Variants in SH3GL2 observed in about 807,000 individuals in gnomAD.
SH3GL2 encodes the protein SH3 domain containing GRB2 like 2, endophilin A1, also known as endophilin-A1.
A neutral mutation model predicts 46.0 loss-of-function variants in SH3GL2; 24 were observed. That is an observed-to-expected ratio of 0.52 (90% CI 0.38 to 0.73). SH3GL2 has a LOEUF of 0.73. SH3GL2 is among the 30% of genes least tolerant of loss of function. The pLI is 0.00. For synonymous variants in SH3GL2, 196 were observed against 147.1 expected (o/e 1.33, Z -2.40); for missense variants, 413 against 424.2 (o/e 0.97, Z 0.23).
At chr9:17,766,114 A>G (rs1249992525) in intron 3 of SH3GL2, among the ~76,000 whole-genome samples, 1 of 152,212 alleles carries the variant, frequency 6.6e-6, no homozygotes, top group Non-Finnish European at 1.5e-5. Flanking sequence ...GGAACCTCAC[A>G]GTCTTAGTGT....
chr9:17,647,649 A>G (rs548198480), intron 1 of SH3GL2, among the ~76,000 whole-genome samples: 8 of 152,192 alleles, frequency 5.3e-5, no homozygotes, highest in Admixed American at 2.0e-4. Flanking sequence ...GAATACTACT[A>G]TTACTTCTTA....
chr9:17,727,660 G>A (rs1364542383), intron 1 of SH3GL2, among the ~76,000 whole-genome samples: 2 of 152,150 alleles, frequency 1.3e-5, no homozygotes, highest in African/African-American at 2.4e-5. Flanking sequence ...CAGCCACTGG[G>A]AATGTGAATC....
At chr9:17,628,898 T>G (rs563745720) in intron 1 of SH3GL2, among the ~76,000 whole-genome samples, 1 of 152,272 alleles carries the variant, frequency 6.6e-6, no homozygotes, top group South Asian at 2.1e-4. Flanking sequence ...TAACACTCAC[T>G]CTAGCACAGC....
intron 1 of SH3GL2, among the ~76,000 whole-genome samples, chr9:17,721,080 G>C (rs1237881640): frequency 6.6e-6 from 1 of 151,968 alleles, no homozygotes; most frequent in African/African-American, 2.4e-5. Context: ...CTCTCCTCTG[G>C]CTAGTTCCTG....
At chr9:17,607,512 GGTCT>G (rs1375299414) in intron 1 of SH3GL2, among the ~76,000 whole-genome samples, 1 of 152,126 alleles carries the variant, frequency 6.6e-6, no homozygotes, top group Non-Finnish European at 1.5e-5. Flanking sequence ...GAGTTTTTCA[GGTCT>G]TATAATCTTA....
intron 1 of SH3GL2, among the ~76,000 whole-genome samples, chr9:17,610,966 G>A (rs539506880): frequency 2.6e-5 from 4 of 152,236 alleles, no homozygotes; most frequent in South Asian, 4.1e-4. Context: ...AGATGTGAGT[G>A]CCAAAGTGTT....
chr9:17,702,215 TG>T (rs1821356223), intron 1 of SH3GL2, among the ~76,000 whole-genome samples: 1 of 152,110 alleles, frequency 6.6e-6, no homozygotes, highest in South Asian at 2.1e-4. Context: ...ATTCACATCT[TG>T]GATCCATAAT....
chr9:17,697,540 A>T (rs1821237748), intron 1 of SH3GL2, among the ~76,000 whole-genome samples: 2 of 152,142 alleles, frequency 1.3e-5, no homozygotes, highest in Admixed American at 1.3e-4. Flanking sequence ...ATTTCTATAC[A>T]GGTCCAGTCA....
intron 1 of SH3GL2, among the ~76,000 whole-genome samples, chr9:17,583,703 C>G (rs999436204): frequency 2.6e-5 from 4 of 151,936 alleles, no homozygotes; most frequent in Non-Finnish European, 5.9e-5. Flanking sequence ...ATGATACAGT[C>G]TGGTATATGT....
chr9:17,617,220 C>T lies in SH3GL2; in HGVS notation c.45+37933C>T, dbSNP rs142976591. ...ATTTAAGGAATATGCTATTGGTGGACATTTAAAATGTTTCCAGTTTGCTCC... is the reference window on the plus strand; with the variant it reads ...ATTTAAGGAATATGCTATTGGTGGATATTTAAAATGTTTCCAGTTTGCTCC... On this transcript the variant is annotated intron_variant, in intron 1 of 8. Coordinates refer to ENST00000380607, the MANE Select transcript of SH3GL2 (RefSeq NM_003026.5). Among the ~76,000 whole-genome samples, 561 of 152,238 alleles carry T rather than the reference C, an allele frequency of 3.7e-3. 5 individuals are homozygous for T. Among genetic ancestry groups the T allele is most frequent in the African/African-American group, 0.013 (540 of 41,522 alleles).
chr9:17,783,050 AG>A (rs1161371189), intron 3 of SH3GL2, among the ~76,000 whole-genome samples: 13 of 152,152 alleles, frequency 8.5e-5, no homozygotes, highest in African/African-American at 2.9e-4. Context: ...ACACACAGAC[AG>A]GGGAGCCTGG....
At chr9:17,695,551 C>T (rs1479774817) in intron 1 of SH3GL2, among the ~76,000 whole-genome samples, 1 of 152,058 alleles carries the variant, frequency 6.6e-6, no homozygotes, top group African/African-American at 2.4e-5. Flanking sequence ...CAGATGGCAA[C>T]TTTGAGGAGG....
intron 2 of SH3GL2, among the ~76,000 whole-genome samples, chr9:17,754,843 G>C (rs1031493614): frequency 1.3e-5 from 2 of 152,140 alleles, no homozygotes; most frequent in African/African-American, 4.8e-5. Context: ...TTTGTATCCT[G>C]AGACTTTGCT....
intron 1 of SH3GL2, among the ~76,000 whole-genome samples, chr9:17,727,259 A>G (rs1020786883): frequency 6.6e-6 from 1 of 152,266 alleles, no homozygotes; most frequent in South Asian, 2.1e-4. Flanking sequence ...AATACAGCAA[A>G]TAAGTTTTTG....
intron 1 of SH3GL2, among the ~76,000 whole-genome samples, chr9:17,631,465 T>C (rs1819419634): frequency 6.6e-6 from 1 of 152,212 alleles, no homozygotes; most frequent in Non-Finnish European, 1.5e-5. Flanking sequence ...TTTATTGTAA[T>C]GTAAACCCAC....
At chr9:17,785,412 C>G (rs952187797) in intron 3 of SH3GL2, among the ~76,000 whole-genome samples, 2 of 152,192 alleles carry the variant, frequency 1.3e-5, no homozygotes, top group African/African-American at 4.8e-5. Context: ...TTTCTCATCT[C>G]TATTCAATGC....
At chr9:17,734,900 G>C (rs1191074505) in intron 1 of SH3GL2, among the ~76,000 whole-genome samples, 1 of 152,080 alleles carries the variant, frequency 6.6e-6, no homozygotes, top group Admixed American at 6.6e-5. Context: ...ACATAACTCT[G>C]TAAATACACT....
intron 1 of SH3GL2, among the ~76,000 whole-genome samples, chr9:17,669,286 T>A: frequency 6.6e-6 from 1 of 152,146 alleles, no homozygotes; most frequent in Non-Finnish European, 1.5e-5. Flanking sequence ...TTGAACTCAT[T>A]TATGTATATA....
At chr9:17,783,150 A>T (rs1277808245) in intron 3 of SH3GL2, among the ~76,000 whole-genome samples, 1 of 152,058 alleles carries the variant, frequency 6.6e-6, no homozygotes, top group African/African-American at 2.4e-5. Context: ...GAACACTGAT[A>T]ACAGTCTTAC....
Sources: allele counts gnomAD v4.1 joint callset (sites outside exome capture counted in the v4.1 genomes callset), GRCh38; gene constraint gnomAD v4.1.1; transcripts MANE v1.5; gene names NCBI Gene and HGNC (gene_info 2026-07-23, HGNC 2026-07-21).